RBFOX1: variants seen among roughly 807,000 people sequenced by gnomAD.
The protein encoded by RBFOX1 is RNA binding fox-1 homolog 1.
A neutral mutation model predicts 57.7 loss-of-function variants in RBFOX1; 8 were observed. That is an observed-to-expected ratio of 0.14 (90% CI 0.08 to 0.25). The LOEUF (loss-of-function observed/expected upper bound fraction) is 0.25, where lower values mean the gene tolerates loss of function less well. Ranked by LOEUF, RBFOX1 falls within the 10% of genes least tolerant of loss-of-function variation. The probability of loss-of-function intolerance (pLI) is 1.00; values close to 1 mark genes in which losing one functional copy is unlikely to be tolerated. For synonymous variants in RBFOX1, 326 were observed against 222.4 expected (o/e 1.47, Z -4.15); for missense variants, 611 against 548.5 (o/e 1.11, Z -1.14).
chr16:7,329,218 A>C (rs1041690258), intron 4 of RBFOX1, among the ~76,000 whole-genome samples: 1 of 152,198 alleles, frequency 6.6e-6, no homozygotes, highest in South Asian at 2.1e-4. Flanking sequence ...AGCAGATGGC[A>C]ATACACGGCT....
At position 5,839,005 on chromosome 16, in the gene RBFOX1, C is replaced by T. The variant is rs995301022; in HGVS notation, c.319-28298C>T. On this transcript the variant is annotated intron_variant, in intron 3 of 19. Coordinates refer to the RBFOX1 transcript ENST00000641259. ...TGAAAGTATTTTTGGTTTCACAGCT[C>T]GCTGGGGAGTGCTCCTGGCATATAG... 3.9e-5 allele frequency among the ~76,000 whole-genome samples: 6 copies of T among 152,102 alleles called. No homozygotes were observed. The South Asian group carries it at 1.0e-3, about 26-fold the overall frequency.
At chr16:6,124,984 T>A (rs1055274314) in intron 1 of RBFOX1, among the ~76,000 whole-genome samples, 1 of 152,316 alleles carries the variant, frequency 6.6e-6, no homozygotes, top group East Asian at 1.9e-4. Context: ...AGGCTCCAAG[T>A]TGAGCCAACG....
At chr16:7,052,614 T>C (rs78195936) in intron 4 of RBFOX1, among the ~76,000 whole-genome samples, 6,916 of 152,230 alleles carry the variant, frequency 0.045, 315 homozygotes, top group East Asian at 0.21. Context: ...TTAAACCTTA[T>C]ATTCTGTTTC....
At chr16:6,022,338 C>A (rs2095098362) in intron 1 of RBFOX1, among the ~76,000 whole-genome samples, 1 of 151,722 alleles carries the variant, frequency 6.6e-6, no homozygotes, top group Admixed American at 6.6e-5. Context: ...TTAGAAGTGG[C>A]TTTATCATTC....
chr16:6,437,004 GAGA>G (rs1454457294), intron 2 of RBFOX1, among the ~76,000 whole-genome samples: 2 of 152,146 alleles, frequency 1.3e-5, no homozygotes, highest in African/African-American at 4.8e-5. Context: ...TATATATAGA[GAGA>G]AGAAACAGTC....
At chr16:6,483,212 G>C (rs1314391988) in intron 2 of RBFOX1, 1 of 1,209,592 alleles carries the variant, frequency 8.3e-7, no homozygotes, top group East Asian at 4.1e-5. Context: ...GGCCGGCCGG[G>C]GAAGCCGGAC....
intron 2 of RBFOX1, among the ~76,000 whole-genome samples, chr16:5,562,417 G>GGTTA (rs2045920897): frequency 6.6e-6 from 1 of 152,082 alleles, no homozygotes; most frequent in Non-Finnish European, 1.5e-5. Context: ...GTTAGATCAG[G>GGTTA]GCTCTGAGGG....
At chr16:7,482,898 A>G (rs1189355624) in intron 4 of RBFOX1, among the ~76,000 whole-genome samples, 1 of 152,138 alleles carries the variant, frequency 6.6e-6, no homozygotes, top group Non-Finnish European at 1.5e-5. Flanking sequence ...AGAGGGGGGC[A>G]GCTTTTGGCT....
chr16:7,211,346 T>C (rs12709190), intron 4 of RBFOX1, among the ~76,000 whole-genome samples: 1 of 143,650 alleles, frequency 7.0e-6, no homozygotes, highest in Non-Finnish European at 1.5e-5. Flanking sequence ...GAGCCGAGAT[T>C]GCACCACTGC....
intron 1 of RBFOX1, among the ~76,000 whole-genome samples, chr16:5,261,876 C>A (rs1414523171): frequency 6.6e-6 from 1 of 152,130 alleles, no homozygotes. Flanking sequence ...GTAGTAACCC[C>A]CTTTCCCTGG....
At chr16:7,157,895 T>C (rs2077473024) in intron 4 of RBFOX1, among the ~76,000 whole-genome samples, 1 of 152,190 alleles carries the variant, frequency 6.6e-6, no homozygotes. Flanking sequence ...CTTTGACCCA[T>C]TGGTAGAGAC....
At chr16:6,890,003 C>G (rs1427752297) in intron 3 of RBFOX1, among the ~76,000 whole-genome samples, 1 of 152,168 alleles carries the variant, frequency 6.6e-6, no homozygotes, top group East Asian at 1.9e-4. Flanking sequence ...TGTACAGTTG[C>G]TTACCATTTA....
intron 1 of RBFOX1, among the ~76,000 whole-genome samples, chr16:6,190,344 C>T (rs2097133699): frequency 6.6e-6 from 1 of 152,118 alleles, no homozygotes; most frequent in Non-Finnish European, 1.5e-5. Context: ...AGACGTTGTT[C>T]TGTATATAGT....
chr16:6,864,668 C>T (rs927026360), intron 3 of RBFOX1, among the ~76,000 whole-genome samples: 1 of 151,530 alleles, frequency 6.6e-6, no homozygotes, highest in Non-Finnish European at 1.5e-5. Context: ...TGGAAAATTC[C>T]AAACTGGCTT....
chr16:5,282,197 A>G (rs2063289130), intron 1 of RBFOX1, among the ~76,000 whole-genome samples: 1 of 152,170 alleles, frequency 6.6e-6, no homozygotes, highest in Admixed American at 6.5e-5. Flanking sequence ...TCCCTGTAAG[A>G]TGTGACTTGC....
intron 3 of RBFOX1, among the ~76,000 whole-genome samples, chr16:6,750,514 A>T (rs2074721260): frequency 6.6e-6 from 1 of 152,260 alleles, no homozygotes; most frequent in South Asian, 2.1e-4. Flanking sequence ...TACGCTGTTA[A>T]CAGCAGTTTA....
At chr16:7,165,882 A>G (rs562788842) in intron 4 of RBFOX1, among the ~76,000 whole-genome samples, 19 of 151,846 alleles carry the variant, frequency 1.3e-4, no homozygotes, top group Admixed American at 2.6e-4. Context: ...ATTCTTGAAT[A>G]GATATGTTGG....
intron 3 of RBFOX1, among the ~76,000 whole-genome samples, chr16:6,974,235 C>A (rs1025070516): frequency 2.0e-5 from 3 of 151,842 alleles, no homozygotes; most frequent in Admixed American, 1.3e-4. Context: ...TAGTTGTAAC[C>A]CCTATGAATG....
chr16:7,443,157 C>T (rs2098782370), intron 4 of RBFOX1, among the ~76,000 whole-genome samples: 1 of 152,110 alleles, frequency 6.6e-6, no homozygotes, highest in Non-Finnish European at 1.5e-5. Flanking sequence ...TTTCTAACAC[C>T]CGTCAATTCT....
Sources: gnomAD v4.1 joint callset for allele counts (sites outside exome capture counted in the v4.1 genomes callset) on GRCh38, gnomAD v4.1.1 for gene constraint, MANE v1.5 for transcripts, NCBI Gene and HGNC (gene_info 2026-07-23, HGNC 2026-07-21) for gene names.